The following TRMT1L variants were observed in gnomAD, a reference collection of about 807,000 sequenced individuals.
TRMT1L encodes tRNA methyltransferase 1L, also known as tRNA (guanine(27)-N(2))-dimethyltransferase.
Under a neutral mutation model 81.6 loss-of-function variants are expected in TRMT1L, and 28 were observed. The observed-to-expected ratio is 0.34, with a 90% CI of 0.25 to 0.47. The LOEUF is 0.47. Ranked by LOEUF, TRMT1L falls within the 20% of genes least tolerant of loss-of-function variation. TRMT1L has a pLI of 1.00. For missense variants in TRMT1L, 739 were observed against 877.1 expected (o/e 0.84, Z 1.99); for synonymous variants, 301 against 303.2 (o/e 0.99, Z 0.07).
intron 10 of TRMT1L, among the ~76,000 whole-genome samples, chr1:185,135,427 A>AAAAG (rs1279674565): frequency 6.6e-6 from 1 of 151,750 alleles, no homozygotes; most frequent in Non-Finnish European, 1.5e-5. Context: ...AAAAAAAAAA[A>AAAAG]AAAGAAAGAA....
intron 7 of TRMT1L, among the ~76,000 whole-genome samples, chr1:185,141,147 C>A (rs528947351): frequency 2.8e-4 from 43 of 152,168 alleles, no homozygotes; most frequent in Non-Finnish European, 4.6e-4. Flanking sequence ...GATTAGTAAA[C>A]CCCTTATGTA....
chr1:185,147,597 C>G (rs933598698), intron 3 of TRMT1L, among the ~76,000 whole-genome samples: 12 of 152,042 alleles, frequency 7.9e-5, no homozygotes, highest in Non-Finnish European at 1.8e-4. Context: ...TCACCTTTAC[C>G]TCATGCTATT....
At position 185,156,831 on chromosome 1, in the gene TRMT1L, G is replaced by T; in HGVS notation, c.-119C>A. The stretch of plus-strand genomic sequence containing the variant: ...CAAGGAGTGGGGAAGCAAGTGGGGA[G>T]GGCGGGATGCGTGCAACAGACAAAA... On this transcript the variant is annotated 5_prime_UTR_variant, in exon 1 of 15. Transcript: ENST00000367506. 7.3e-7 allele frequency: 1 copy of T among 1,370,120 alleles called. No individual in the cohort carries two copies. The highest frequency in any genetic ancestry group is 9.8e-7 in the Non-Finnish European group (1 of 1,017,036). 84.9% of individuals were successfully genotyped at this position (1,370,120 alleles called of 1,614,324 possible).
intron 8 of TRMT1L, 137 bp from the exon 9 acceptor site, chr1:185,139,716 T>A (rs1445650750): frequency 3.9e-6 from 3 of 770,214 alleles, no homozygotes; most frequent in Non-Finnish European, 6.0e-6. Flanking sequence ...AATTCTGTTT[T>A]GAAATTAAGT....
At chr1:185,151,740 A>T in intron 2 of TRMT1L, 85 bp downstream of exon 2, 1 of 893,016 alleles carries the variant, frequency 1.1e-6, no homozygotes, top group Non-Finnish European at 1.7e-6. Context: ...AAACAAGTCT[A>T]CTCTTACCAA....
Position 185,145,587 on chromosome 1 carries a change from AATTTAAATAAGTTGC to A in TRMT1L, c.526-34_526-20del, listed in dbSNP as rs1363201980. 1 of 1,606,190 alleles carries A rather than the reference AATTTAAATAAGTTGC, an allele frequency of 6.2e-7. No homozygotes were observed. The highest frequency in any genetic ancestry group is 2.2e-5 in the East Asian group (1 of 44,674). On this transcript the variant is annotated intron_variant, in intron 4 of 14. Coordinates refer to ENST00000367506, the MANE Select transcript of TRMT1L (RefSeq NM_030934.5). Reference sequence around the variant, plus strand: ...TGGTTATCTATCAAACAGAGTATTTAATTTAAATAAGTTGCTAAGACAATGAAACAGAAGTATATG... The same window carrying A: ...TGGTTATCTATCAAACAGAGTATTTATAAGACAATGAAACAGAAGTATATG...
At chr1:185,144,537 G>A (rs182051834) in intron 5 of TRMT1L, among the ~76,000 whole-genome samples, 6 of 151,974 alleles carry the variant, frequency 3.9e-5, no homozygotes, top group African/African-American at 1.2e-4. Flanking sequence ...TTCTCATAAT[G>A]ATTTCAAGTC....
In TRMT1L at chr1:185,141,504, G is replaced by A. The variant is rs553882265; in HGVS notation, c.860-1282C>T. On this transcript the variant is annotated intron_variant, in intron 7 of 14. Coordinates refer to ENST00000367506, the MANE Select transcript of TRMT1L (RefSeq NM_030934.5). ...GGATCACCTGAGGTCAGGAGTTCGA[G>A]ACCAGCTTGGCCAACATGGCGAAGC... is the stretch of plus-strand genomic sequence containing the variant. 1.6e-3 allele frequency among the ~76,000 whole-genome samples: 247 copies of A among 152,268 alleles called. 2 individuals carry two copies. Among genetic ancestry groups the A allele is most frequent in the Middle Eastern group, 6.8e-3 (2 of 294 alleles).
intron 13 of TRMT1L, chr1:185,120,971 T>G (rs1411254622): frequency 6.6e-6 from 1 of 152,548 alleles, no homozygotes; most frequent in African/African-American, 2.4e-5. Context: ...TGATCAGTAT[T>G]GGATACACAG....
In TRMT1L at chr1:185,120,022, C is replaced by A. The variant is rs1463274194; in HGVS notation, c.2199G>T (p.Trp733Cys). The A allele has an allele frequency of 1.2e-6, 2 of 1,613,252 alleles. No homozygotes were observed. The highest frequency in any genetic ancestry group is 1.7e-6 in the Non-Finnish European group (2 of 1,179,634). The change falls in exon 15 of 15, where the codon TGG becomes TGT. Residue 733 changes from tryptophan to cysteine, a missense_variant. Transcript: ENST00000367506. ...GAGAACCAATTCTTCTCTACGTTTA[C>A]CATCTTCTGCAGCCACTTGCTTCTG... ...DKAEASGCRR[W>C]
At chr1:185,137,551 A>G (rs1399150042) in intron 10 of TRMT1L, 55 bp downstream of exon 10, 1 of 1,520,294 alleles carries the variant, frequency 6.6e-7, no homozygotes, top group African/African-American at 1.4e-5. Context: ...GGTATGTGAT[A>G]AAGGCTTATT....
intron 10 of TRMT1L, among the ~76,000 whole-genome samples, chr1:185,136,569 A>G (rs1257135159): frequency 6.6e-6 from 1 of 152,186 alleles, no homozygotes; most frequent in Non-Finnish European, 1.5e-5. Flanking sequence ...CACAGTATCT[A>G]TTCTCCCCAA....
chr1:185,151,634 A>C (rs564916796), intron 2 of TRMT1L, among the ~76,000 whole-genome samples, 191 bp downstream of exon 2: 1 of 152,334 alleles, frequency 6.6e-6, no homozygotes, highest in East Asian at 1.9e-4. Context: ...GAGGAGTTGT[A>C]AAATAACTTA....
chr1:185,141,134 A>G (rs550362553), intron 7 of TRMT1L, among the ~76,000 whole-genome samples: 14 of 152,230 alleles, frequency 9.2e-5, no homozygotes, highest in Non-Finnish European at 1.9e-4. Flanking sequence ...CCCAGCCAAC[A>G]TAGATTAGTA....
At chr1:185,150,904 A>G (rs551751281) in intron 2 of TRMT1L, among the ~76,000 whole-genome samples, 1 of 152,348 alleles carries the variant, frequency 6.6e-6, no homozygotes, top group African/African-American at 2.4e-5. Flanking sequence ...GTATTCCTCT[A>G]CTAAACTGGC....
chr1:185,139,244 A>G (rs1652975529), intron 9 of TRMT1L, 123 bp downstream of exon 9: 2 of 725,856 alleles, frequency 2.8e-6, no homozygotes, highest in South Asian at 4.9e-5. Flanking sequence ...AACCAGTATT[A>G]CAGATAAGGA....
chr1:185,156,437 C>G (rs377073608), intron 1 of TRMT1L, 41 bp downstream of exon 1: 457 of 1,613,502 alleles, frequency 2.8e-4, no homozygotes, highest in Non-Finnish European at 3.8e-4. Flanking sequence ...GGCGCACTTT[C>G]TCTCTTCTGC....
At chr1:185,150,219 G>A (rs1271178634) in intron 3 of TRMT1L, among the ~76,000 whole-genome samples, 160 bp downstream of exon 3, 1 of 152,036 alleles carries the variant, frequency 6.6e-6, no homozygotes, top group African/African-American at 2.4e-5. Flanking sequence ...TGCCTATAAA[G>A]CTATATGGTG....
intron 3 of TRMT1L, among the ~76,000 whole-genome samples, chr1:185,147,968 A>C (rs557680079): frequency 6.6e-6 from 1 of 152,234 alleles, no homozygotes; most frequent in Admixed American, 6.5e-5. Context: ...AGGTCTCTTT[A>C]CTTTTTTTGA....
Sources: gnomAD v4.1 joint callset for allele counts (sites outside exome capture counted in the v4.1 genomes callset) on GRCh38, gnomAD v4.1.1 for gene constraint, MANE v1.5 for transcripts, NCBI Gene and HGNC (gene_info 2026-07-23, HGNC 2026-07-21) for gene names.